Variants in SUPT3H observed in about 807,000 individuals in gnomAD.
SUPT3H encodes transcription initiation protein SPT3 homolog.
A neutral mutation model predicts 44.3 loss-of-function variants in SUPT3H; 44 were observed. The ratio of observed to expected loss-of-function variants is 0.99; its 90% confidence interval spans 0.78 to 1.28. SUPT3H has a LOEUF of 1.28. Ranked by LOEUF, SUPT3H falls within the 50% of genes most tolerant of loss-of-function variation. The probability of loss-of-function intolerance (pLI) is 0.00; values close to 1 mark genes in which losing one functional copy is unlikely to be tolerated. For missense variants in SUPT3H, 380 were observed against 387.1 expected (o/e 0.98, Z 0.15); for synonymous variants, 124 against 125.6 (o/e 0.99, Z 0.09).
chr6:45,009,351 T>A (rs1254814296), intron 5 of SUPT3H, among the ~76,000 whole-genome samples: 1 of 152,200 alleles, frequency 6.6e-6, no homozygotes, highest in African/African-American at 2.4e-5. Context: ...TTTTGCTGTT[T>A]GTGCTTTTGG....
chr6:45,083,013 T>A (rs1487765100), intron 3 of SUPT3H, among the ~76,000 whole-genome samples: 5 of 151,618 alleles, frequency 3.3e-5, no homozygotes, highest in Admixed American at 1.3e-4. Context: ...AAGAACACAA[T>A]CCCATTTACA....
chr6:45,218,166 T>C (rs934118052), intron 2 of SUPT3H, among the ~76,000 whole-genome samples: 1 of 152,128 alleles, frequency 6.6e-6, no homozygotes. Context: ...GTGAAAAATA[T>C]ATAACATGGA....
At chr6:45,013,773 T>G (rs1476746976) in intron 5 of SUPT3H, among the ~76,000 whole-genome samples, 1 of 152,048 alleles carries the variant, frequency 6.6e-6, no homozygotes, top group Non-Finnish European at 1.5e-5. Flanking sequence ...TCTTGCCCCT[T>G]CTGGGGTAAA....
At chr6:45,079,263 T>C (rs1795435168) in intron 3 of SUPT3H, among the ~76,000 whole-genome samples, 1 of 151,702 alleles carries the variant, frequency 6.6e-6, no homozygotes, top group Non-Finnish European at 1.5e-5. Context: ...TGAGCTGAGA[T>C]CACACTACCG....
At chr6:45,313,091 T>C (rs1173056158) in intron 2 of SUPT3H, among the ~76,000 whole-genome samples, 1 of 152,102 alleles carries the variant, frequency 6.6e-6, no homozygotes, top group Non-Finnish European at 1.5e-5. Context: ...TCGAACTGAA[T>C]GACAATAATG....
intron 10 of SUPT3H, among the ~76,000 whole-genome samples, chr6:44,857,904 G>T (rs1774006613): frequency 1.3e-5 from 2 of 152,112 alleles, no homozygotes; most frequent in Non-Finnish European, 2.9e-5. Flanking sequence ...GTAAAGACTT[G>T]TTCTCAGAAC....
intron 2 of SUPT3H, among the ~76,000 whole-genome samples, chr6:45,318,923 A>T (rs1785087910): frequency 1.3e-5 from 2 of 152,148 alleles, no homozygotes; most frequent in South Asian, 4.1e-4. Flanking sequence ...TAAATGTCAA[A>T]ACTATTTTTA....
intron 2 of SUPT3H, among the ~76,000 whole-genome samples, chr6:45,282,194 A>C (rs1046306697): frequency 9.2e-5 from 14 of 152,322 alleles, no homozygotes; most frequent in African/African-American, 3.4e-4. Flanking sequence ...TCCTCCTCTA[A>C]AGGAACGCAG....
At chr6:45,165,027 T>C (rs1175101288) in intron 2 of SUPT3H, among the ~76,000 whole-genome samples, 1 of 151,972 alleles carries the variant, frequency 6.6e-6, no homozygotes, top group East Asian at 1.9e-4. Context: ...GGCACATGTA[T>C]GCAGGGCCCA....
chr6:44,904,844 A>G (rs1765718487), intron 10 of SUPT3H, among the ~76,000 whole-genome samples: 1 of 152,214 alleles, frequency 6.6e-6, no homozygotes, highest in Non-Finnish European at 1.5e-5. Flanking sequence ...AGAACAGAAC[A>G]GAGCCCTCAG....
intron 3 of SUPT3H, among the ~76,000 whole-genome samples, chr6:45,100,037 T>C (rs1422324102): frequency 6.6e-6 from 1 of 152,070 alleles, no homozygotes; most frequent in South Asian, 2.1e-4. Flanking sequence ...GATGTCTATA[T>C]GCAGAAAAAT....
intron 3 of SUPT3H, among the ~76,000 whole-genome samples, chr6:45,088,855 G>A (rs928369441): frequency 1.3e-5 from 2 of 151,950 alleles, no homozygotes; most frequent in Non-Finnish European, 1.5e-5. Context: ...TTTATTCTCT[G>A]TGATATGGAA....
Position 45,276,662 on chromosome 6 carries a change from T to C in SUPT3H, c.101+88539A>G, listed in dbSNP as rs1411222304. Reference sequence around the variant, plus strand: ...TACAAGATTAGGCTTTAAAATGTATTGCATTTTTTGGTCTTTATTACATCT... The same window carrying C: ...TACAAGATTAGGCTTTAAAATGTATCGCATTTTTTGGTCTTTATTACATCT... On this transcript the variant is annotated intron_variant, in intron 2 of 10. Transcript: ENST00000371459. 2.0e-5 allele frequency among the ~76,000 whole-genome samples: 3 copies of C among 152,352 alleles called. No homozygotes were observed. The East Asian group carries it at 5.8e-4, about 29-fold the overall frequency.
At chr6:45,144,522 T>A (rs1805721869) in intron 2 of SUPT3H, among the ~76,000 whole-genome samples, 1 of 151,906 alleles carries the variant, frequency 6.6e-6, no homozygotes, top group South Asian at 2.1e-4. Flanking sequence ...ATAAAACCCA[T>A]CTATGACAAA....
At chr6:45,242,473 G>A (rs1206941013) in intron 2 of SUPT3H, among the ~76,000 whole-genome samples, 1 of 152,170 alleles carries the variant, frequency 6.6e-6, no homozygotes. Flanking sequence ...AGGGGAGCTT[G>A]AAGATGAACA....
chr6:45,285,469 A>C (rs1779062872), intron 2 of SUPT3H, among the ~76,000 whole-genome samples: 2 of 152,146 alleles, frequency 1.3e-5, no homozygotes, highest in Admixed American at 6.5e-5. Context: ...AGAGAGCCAA[A>C]TCGTGAGTGA....
At chr6:44,854,703 A>G (rs1301726080) in intron 10 of SUPT3H, among the ~76,000 whole-genome samples, 1 of 151,752 alleles carries the variant, frequency 6.6e-6, no homozygotes, top group Non-Finnish European at 1.5e-5. Flanking sequence ...CCACAAACAC[A>G]TTAAAGTAAA....
intron 2 of SUPT3H, among the ~76,000 whole-genome samples, chr6:45,184,616 C>T (rs1054262095): frequency 2.6e-5 from 4 of 151,920 alleles, no homozygotes; most frequent in South Asian, 2.1e-4. Context: ...AAGCACAGGA[C>T]ATCGCTGAAA....
intron 2 of SUPT3H, among the ~76,000 whole-genome samples, chr6:45,224,513 A>C (rs552978881): frequency 2.0e-5 from 3 of 152,290 alleles, no homozygotes; most frequent in African/African-American, 7.2e-5. Context: ...TGACAAAAGG[A>C]TGAATAGGCA....
Sources: allele counts gnomAD v4.1 joint callset (sites outside exome capture counted in the v4.1 genomes callset), GRCh38; gene constraint gnomAD v4.1.1; transcripts MANE v1.5; gene names NCBI Gene and HGNC (gene_info 2026-07-23, HGNC 2026-07-21).